Variants in ERCC8 observed in about 807,000 individuals in gnomAD.
ERCC8 encodes the protein DNA excision repair protein ERCC-8.
Under a neutral mutation model 54.9 loss-of-function variants are expected in ERCC8, and 52 were observed. That is an observed-to-expected ratio of 0.95 (90% CI 0.76 to 1.19). The LOEUF is 1.19. ERCC8 is among the 50% of genes most tolerant of loss of function. The pLI is 0.00. For synonymous variants in ERCC8, 146 were observed against 157.2 expected (o/e 0.93, Z 0.53); for missense variants, 514 against 466.1 (o/e 1.10, Z -0.95).
intron 9 of ERCC8, chr5:60,893,135 C>A (rs1166532831): frequency 1.2e-6 from 1 of 811,954 alleles, no homozygotes; most frequent in Non-Finnish European, 2.2e-6. Flanking sequence ...TAGCCTCCCC[C>A]ATTTGGAAGC....
chr5:60,921,848 T>C (rs1314065873), intron 3 of ERCC8, among the ~76,000 whole-genome samples: 2 of 151,928 alleles, frequency 1.3e-5, no homozygotes, highest in African/African-American at 2.4e-5. Flanking sequence ...ATACTGAAGT[T>C]GCTTTGGGGA....
rs570263574 is a variant in ERCC8 at position 60,868,799 on chromosome 5, C to T, written c.*5816G>A. On this transcript the variant is annotated 3_prime_UTR_variant, in exon 12 of 12. Coordinates refer to ENST00000676185, the MANE Select transcript of ERCC8 (RefSeq NM_000082.4). ...TGATTAAACTTCGTTAGTTTTCTTC[C>T]CTGAATTTAATACTTTTCCAGAATT... Among the ~76,000 whole-genome samples the T allele has an allele frequency of 1.3e-5, 2 of 152,178 alleles. No homozygotes were observed. Among genetic ancestry groups the T allele is most frequent in the East Asian group, 1.9e-4 (1 of 5,188 alleles).
chr5:60,867,188 A>T lies in ERCC8; in HGVS notation c.*7427T>A, dbSNP rs375433291. ...AGAAGGAAAAAAAATATCCAAATGTATATGTTTCCTTGGTAGTGACCTAAG... is the reference window on the plus strand; with the variant it reads ...AGAAGGAAAAAAAATATCCAAATGTTTATGTTTCCTTGGTAGTGACCTAAG... On this transcript the variant is annotated 3_prime_UTR_variant, in exon 12 of 12. Transcript: ENST00000676185. Among the ~76,000 whole-genome samples the T allele has an allele frequency of 1.3e-5, 2 of 152,066 alleles. No individual in the cohort carries two copies. The highest frequency in any genetic ancestry group is 4.8e-5 in the African/African-American group (2 of 41,388).
intron 1 of ERCC8, among the ~76,000 whole-genome samples, chr5:60,941,646 C>T (rs114579493): frequency 9.2e-4 from 140 of 152,256 alleles, no homozygotes; most frequent in African/African-American, 3.3e-3. Context: ...CTGCTGAAAA[C>T]TAAAGACGAA....
At chr5:60,902,367 C>T (rs1288491358) in intron 7 of ERCC8, 75 bp downstream of exon 7, 1 of 1,072,646 alleles carries the variant, frequency 9.3e-7, no homozygotes, top group Non-Finnish European at 1.4e-6. Context: ...AAAATATATA[C>T]ATTACATAAA....
chr5:60,912,542 G>C (rs1327282277), intron 4 of ERCC8, among the ~76,000 whole-genome samples: 1 of 152,108 alleles, frequency 6.6e-6, no homozygotes. Flanking sequence ...TGCAAACAGG[G>C]AGAACTTGAC....
intron 9 of ERCC8, chr5:60,892,741 C>G: frequency 1.4e-6 from 1 of 696,276 alleles, no homozygotes. Context: ...GAGCTGGGCC[C>G]TGGAACAATG....
In ERCC8 at chr5:60,866,520, G is replaced by A. The variant is rs904645760; in HGVS notation, c.*8095C>T. 5 of 151,920 alleles carry A rather than the reference G, an allele frequency of 3.3e-5. No homozygotes were observed. Among genetic ancestry groups the A allele is most frequent in the Admixed American group, 1.3e-4 (2 of 15,248 alleles). The allele number at this position is 151,920 out of a possible 1,614,324, so 9.4% of individuals were successfully genotyped here. A position where few individuals can be genotyped will look rare whatever the true frequency, so the allele number is the denominator to read the frequency against. Reference sequence around the variant, plus strand: ...ACTTTGTAAGGTGTATTTTATTCCCGTTCTACAAATGAATAAACTTGCAAA... The same window carrying A: ...ACTTTGTAAGGTGTATTTTATTCCCATTCTACAAATGAATAAACTTGCAAA... On this transcript the variant is annotated 3_prime_UTR_variant, in exon 12 of 12. Coordinates refer to ENST00000676185, the MANE Select transcript of ERCC8 (RefSeq NM_000082.4).
At chr5:60,934,442 T>C (rs570116466) in intron 1 of ERCC8, among the ~76,000 whole-genome samples, 1 of 152,330 alleles carries the variant, frequency 6.6e-6, no homozygotes, top group African/African-American at 2.4e-5. Flanking sequence ...ATCTTTTTCT[T>C]GATTTGAGTT....
intron 6 of ERCC8, 85 bp downstream of exon 6, chr5:60,903,563 T>C: frequency 6.3e-7 from 1 of 1,587,122 alleles, no homozygotes; most frequent in Non-Finnish European, 8.6e-7. Context: ...GTCATGTCAC[T>C]TACAAAGAAT....
At chr5:60,892,971 G>T in intron 9 of ERCC8, 1 of 765,500 alleles carries the variant, frequency 1.3e-6, no homozygotes, top group Admixed American at 1.7e-5. Context: ...GAGGTTTTCA[G>T]CTCCAAAGCT....
chr5:60,926,222 C>T (rs866843518), intron 2 of ERCC8, among the ~76,000 whole-genome samples: 1 of 152,154 alleles, frequency 6.6e-6, no homozygotes, highest in Non-Finnish European at 1.5e-5. Flanking sequence ...GAACAAAATA[C>T]AATTAAATGT....
Position 60,943,718 on chromosome 5 carries a change from T to A in ERCC8, c.77+1214A>T, listed in dbSNP as rs1750335545. ...GAGCAAATGAAAAAAAAGCTGCCTGTGGGAACATGCTGATTGTGGCAACAA... is the reference window on the plus strand; with the variant it reads ...GAGCAAATGAAAAAAAAGCTGCCTGAGGGAACATGCTGATTGTGGCAACAA... On this transcript the variant is annotated intron_variant, in intron 1 of 11. Transcript: ENST00000676185. Among the ~76,000 whole-genome samples the A allele has an allele frequency of 3.9e-5, 6 of 152,156 alleles. No homozygotes were observed. In the South Asian group the frequency reaches 1.2e-3, roughly 32 times the overall value.
At chr5:60,944,496 T>A (rs1750364614) in intron 1 of ERCC8, among the ~76,000 whole-genome samples, 1 of 152,234 alleles carries the variant, frequency 6.6e-6, no homozygotes, top group Non-Finnish European at 1.5e-5. Flanking sequence ...CTCTAGTCAT[T>A]CTGAACTTTG....
chr5:60,899,520 TAA>T (rs1268834462), intron 8 of ERCC8, 105 bp downstream of exon 8: 6 of 788,642 alleles, frequency 7.6e-6, no homozygotes, highest in Middle Eastern at 3.0e-4. Flanking sequence ...TGAAAAATCA[TAA>T]AGTTTGCAAT....
chr5:60,933,398 T>C (rs1360648396), intron 1 of ERCC8, among the ~76,000 whole-genome samples: 1 of 151,952 alleles, frequency 6.6e-6, no homozygotes, highest in East Asian at 1.9e-4. Context: ...TTTGTATTTT[T>C]AGTAGAGATG....
chr5:60,921,782 AG>A (rs930679381), intron 3 of ERCC8, among the ~76,000 whole-genome samples: 7 of 151,948 alleles, frequency 4.6e-5, no homozygotes, highest in Admixed American at 2.0e-4. Context: ...ATGTAGGTAA[AG>A]AAAAAGAAGG....
At chr5:60,895,071 T>TGAGA (rs962980316) in intron 9 of ERCC8, among the ~76,000 whole-genome samples, 1 of 149,276 alleles carries the variant, frequency 6.7e-6, no homozygotes, top group South Asian at 2.1e-4. Context: ...CTCAGGAGGC[T>TGAGA]GAGAGAGAGA....
intron 1 of ERCC8, among the ~76,000 whole-genome samples, chr5:60,942,941 T>C (rs944694782): frequency 6.6e-6 from 1 of 152,154 alleles, no homozygotes; most frequent in Non-Finnish European, 1.5e-5. Flanking sequence ...TATATAATTG[T>C]TTAAGCAAAA....
Sources: gnomAD v4.1 joint callset for allele counts (sites outside exome capture counted in the v4.1 genomes callset) on GRCh38, gnomAD v4.1.1 for gene constraint, MANE v1.5 for transcripts, NCBI Gene and HGNC (gene_info 2026-07-23, HGNC 2026-07-21) for gene names.